Variants in ADGRL2 observed in about 807,000 individuals in gnomAD.
ADGRL2 encodes the protein calcium-independent alpha-latrotoxin receptor 2.
In ADGRL2, 44 loss-of-function variants were observed where a neutral mutation model predicts 157.4. The observed-to-expected ratio is 0.28, with a 90% confidence interval of 0.22 to 0.36. The LOEUF (loss-of-function observed/expected upper bound fraction) is 0.36, where lower values mean the gene tolerates loss of function less well. Among genes scored for constraint, ADGRL2 ranks in the 10% least tolerant of loss-of-function variants. The pLI is 1.00. For synonymous variants in ADGRL2, 585 were observed against 624.7 expected, an observed-to-expected ratio of 0.94 and a Z score of 0.95; for missense variants, 1,510 against 1,768.9, an observed-to-expected ratio of 0.85 and a Z score of 2.63.
chr1:81,874,897 G>A (rs904036641), intron 2 of ADGRL2, among the ~76,000 whole-genome samples: 1 of 151,894 alleles, frequency 6.6e-6, no homozygotes, highest in African/African-American at 2.4e-5. Flanking sequence ...TTAGAGATTG[G>A]GGTCTCACCA....
chr1:81,441,992 C>T (rs879701502), intron 1 of ADGRL2, among the ~76,000 whole-genome samples: 1 of 152,098 alleles, frequency 6.6e-6, no homozygotes, highest in Non-Finnish European at 1.5e-5. Context: ...CACTACCATG[C>T]CTGGTTAATT....
chr1:81,857,520 G>A (rs1381445720), intron 2 of ADGRL2, among the ~76,000 whole-genome samples: 3 of 152,022 alleles, frequency 2.0e-5, no homozygotes, highest in African/African-American at 7.2e-5. Flanking sequence ...TTATAATTGC[G>A]TTGACTAGAT....
chr1:81,936,011 A>G (rs1354158835), intron 3 of ADGRL2, among the ~76,000 whole-genome samples: 1 of 151,936 alleles, frequency 6.6e-6, no homozygotes, highest in Non-Finnish European at 1.5e-5. Flanking sequence ...ACCGAGGTAC[A>G]TAGTCATCTC....
In ADGRL2 at chr1:81,954,876, A is replaced by G. The variant is rs182051010; in HGVS notation, c.1834-1001A>G. The stretch of plus-strand genomic sequence containing the variant: ...CAATTTTTATTGTTGTTCTTTTTGT[A>G]CAGTGTGTGTTCTTTCTCTTCAGTA... On this transcript the variant is annotated intron_variant, in intron 10 of 23. Coordinates refer to ENST00000686636, the MANE Select transcript of ADGRL2 (RefSeq NM_001366006.2). Among the ~76,000 whole-genome samples, 22 of 152,262 alleles carry G rather than the reference A, an allele frequency of 1.4e-4. No homozygotes were observed. The East Asian group carries it at 4.2e-3, about 29-fold the overall frequency.
chr1:81,596,451 C>T (rs1320953508), intron 3 of ADGRL2: 2 of 453,138 alleles, frequency 4.4e-6, no homozygotes, highest in Non-Finnish European at 8.6e-6. Context: ...GATTCGAATT[C>T]AGTGAATTGT....
chr1:81,928,864 T>C (rs2095167089), intron 3 of ADGRL2, among the ~76,000 whole-genome samples: 1 of 151,796 alleles, frequency 6.6e-6, no homozygotes, highest in Admixed American at 6.6e-5. Flanking sequence ...CTCCAAAAAG[T>C]GAGCACTTTT....
At chr1:81,757,244 G>A (rs186317742) in intron 1 of ADGRL2, among the ~76,000 whole-genome samples, 59 of 152,270 alleles carry the variant, frequency 3.9e-4, no homozygotes, top group African/African-American at 1.4e-3. Flanking sequence ...TGGAGGGGCA[G>A]GGGAAATAAA....
At chr1:81,309,030 A>AAAGATAAATTATCATCTTAAAAG (rs2100533608) in intron 1 of ADGRL2, among the ~76,000 whole-genome samples, 1 of 152,294 alleles carries the variant, frequency 6.6e-6, no homozygotes, top group South Asian at 2.1e-4. Context: ...GTACAGTTAA[A>AAAGATAAATTATCATCTTAAAAG]AAGATAAATT....
At chr1:81,722,399 G>T in intron 1 of ADGRL2, 2 of 841,240 alleles carry the variant, frequency 2.4e-6, no homozygotes, top group South Asian at 1.3e-5. Context: ...GAAAGCCATT[G>T]ACTTATTCAC....
intron 2 of ADGRL2, among the ~76,000 whole-genome samples, chr1:81,892,981 G>A (rs973844465): frequency 1.3e-5 from 2 of 152,076 alleles, no homozygotes; most frequent in Admixed American, 1.3e-4. Context: ...AGTTTTCTGA[G>A]GAAACTGAAG....
At chr1:81,804,095 G>GTCA (rs1482422712) in intron 1 of ADGRL2, among the ~76,000 whole-genome samples, 1 of 152,146 alleles carries the variant, frequency 6.6e-6, no homozygotes, top group Non-Finnish European at 1.5e-5. Flanking sequence ...ATTCCAACTT[G>GTCA]TGATGGGACT....
chr1:81,504,799 C>T (rs2078934503), intron 2 of ADGRL2, among the ~76,000 whole-genome samples: 1 of 152,210 alleles, frequency 6.6e-6, no homozygotes, highest in South Asian at 2.1e-4. Context: ...TCAGCATTCC[C>T]AGCTCAGGGC....
Position 81,713,192 on chromosome 1 carries a change from C to T in ADGRL2, c.-143+13384C>T, listed in dbSNP as rs1013993016. 9.9e-5 allele frequency among the ~76,000 whole-genome samples: 15 copies of T among 152,138 alleles called. 1 individual carries two copies. The highest frequency in any genetic ancestry group is 9.2e-4 in the Admixed American group (14 of 15,266). ...GGAAGGACCTAGGATCTTCCTGGAGCATCCAAGAGTCAGAGTTCATAGTCC... is the reference window on the plus strand; with the variant it reads ...GGAAGGACCTAGGATCTTCCTGGAGTATCCAAGAGTCAGAGTTCATAGTCC... On this transcript the variant is annotated intron_variant, in intron 1 of 20. Transcript: ENST00000359929.
At chr1:81,568,254 C>A (rs767181751) in intron 2 of ADGRL2, among the ~76,000 whole-genome samples, 3 of 152,074 alleles carry the variant, frequency 2.0e-5, no homozygotes, top group Non-Finnish European at 4.4e-5. Context: ...ACTTTCTTGA[C>A]CTTAGCCTGT....
intron 1 of ADGRL2, among the ~76,000 whole-genome samples, chr1:81,404,150 A>G (rs1411666059): frequency 1.3e-5 from 2 of 152,174 alleles, no homozygotes; most frequent in Non-Finnish European, 2.9e-5. Context: ...GTAGTTAAAT[A>G]TTAGTTCACT....
chr1:81,954,342 AT>A (rs146620370), intron 10 of ADGRL2, among the ~76,000 whole-genome samples: 1,884 of 152,314 alleles, frequency 0.012, 46 homozygotes, highest in African/African-American at 0.044. Flanking sequence ...AAAGCATGCC[AT>A]TAGCAAGTTA....
chr1:81,415,052 A>G (rs1470632891), intron 1 of ADGRL2, among the ~76,000 whole-genome samples: 1 of 152,240 alleles, frequency 6.6e-6, no homozygotes, highest in Non-Finnish European at 1.5e-5. Context: ...CACCTTTCAG[A>G]AAAGGAACCT....
chr1:81,885,053 A>T lies in ADGRL2; in HGVS notation c.74-21964A>T, dbSNP rs1460628942. Among the ~76,000 whole-genome samples the T allele has an allele frequency of 3.3e-5, 5 of 152,196 alleles. No individual in the cohort carries two copies. The South Asian group carries it at 1.0e-3, about 31-fold the overall frequency. On this transcript the variant is annotated intron_variant, in intron 2 of 23. Coordinates refer to ENST00000686636, the MANE Select transcript of ADGRL2 (RefSeq NM_001366006.2). ...ATAAAGCAAGGGAAACAGTGTATGGAGTTAGAGACATAAAATTGCCAATTT... is the reference window on the plus strand; with the variant it reads ...ATAAAGCAAGGGAAACAGTGTATGGTGTTAGAGACATAAAATTGCCAATTT...
At chr1:81,488,619 G>A (rs1358712628) in intron 2 of ADGRL2, among the ~76,000 whole-genome samples, 1 of 151,860 alleles carries the variant, frequency 6.6e-6, no homozygotes, top group African/African-American at 2.4e-5. Flanking sequence ...GAGGTGAGAA[G>A]ATAGCTTGAG....
Sources: gnomAD v4.1 joint callset for allele counts (sites outside exome capture counted in the v4.1 genomes callset) on GRCh38, gnomAD v4.1.1 for gene constraint, MANE v1.5 for transcripts, NCBI Gene and HGNC (gene_info 2026-07-23, HGNC 2026-07-21) for gene names.